The following ELAVL4 variants were observed in gnomAD, a reference collection of about 807,000 sequenced individuals.
ELAVL4 encodes ELAV-like protein 4.
ELAVL4 carries 1 observed loss-of-function variant against 35.6 expected under a neutral mutation model. The ratio of observed to expected loss-of-function variants is 0.03; its 90% CI spans 0.01 to 0.13. The LOEUF is 0.13. ELAVL4 is among the 10% of genes least tolerant of loss of function. The pLI, the probability that ELAVL4 is intolerant of heterozygous loss-of-function variation, is 1.00. For missense variants in ELAVL4, 267 were observed against 464.9 expected (o/e 0.57, Z 3.91); for synonymous variants, 156 against 171.0 (o/e 0.91, Z 0.69).
At chr1:50,048,594 G>A (rs1663192694) in intron 1 of ELAVL4, among the ~76,000 whole-genome samples, 1 of 152,192 alleles carries the variant, frequency 6.6e-6, no homozygotes, top group African/African-American at 2.4e-5. Flanking sequence ...TCCTGGTGGC[G>A]CCAAAAAGTC....
intron 1 of ELAVL4, among the ~76,000 whole-genome samples, chr1:50,069,947 T>C (rs1664435489): frequency 6.6e-6 from 1 of 152,216 alleles, no homozygotes; most frequent in East Asian, 1.9e-4. Context: ...CTAAGTCCTT[T>C]CTATTTTAGT....
chr1:50,197,566 A>G, intron 6 of ELAVL4, 99 bp downstream of exon 6: 1 of 1,127,694 alleles, frequency 8.9e-7, no homozygotes, highest in Admixed American at 3.0e-5. Context: ...AAAAGAAAAA[A>G]ATTCTTCCTT....
chr1:50,179,478 C>T (rs1316407519), intron 3 of ELAVL4: 1 of 152,114 alleles, frequency 6.6e-6, no homozygotes, highest in Non-Finnish European at 1.5e-5. Flanking sequence ...AAGCAAACCC[C>T]TTTTGTATGC....
At chr1:50,098,402 G>A (rs1330216955) in intron 1 of ELAVL4, among the ~76,000 whole-genome samples, 2 of 152,112 alleles carry the variant, frequency 1.3e-5, no homozygotes, top group Non-Finnish European at 2.9e-5. Context: ...TTTAGGGAAG[G>A]ACCAGGGCTT....
At chr1:50,167,855 A>G (rs1678220631) in intron 2 of ELAVL4, among the ~76,000 whole-genome samples, 1 of 152,222 alleles carries the variant, frequency 6.6e-6, no homozygotes, top group African/African-American at 2.4e-5. Context: ...AGAGAGGTCC[A>G]TCCACATACC....
At chr1:50,102,226 C>T (rs1027642400), upstream of ELAVL4, among the ~76,000 whole-genome samples, 4 of 151,746 alleles carry the variant, frequency 2.6e-5, no homozygotes, top group African/African-American at 7.3e-5. Flanking sequence ...GCGGAGCTTG[C>T]GGTGAGCCGA....
chr1:50,165,440 A>G (rs928288915), intron 2 of ELAVL4, among the ~76,000 whole-genome samples: 7 of 139,558 alleles, frequency 5.0e-5, no homozygotes, highest in African/African-American at 2.0e-4. Flanking sequence ...ATATATATAT[A>G]TAGATATAGA....
At chr1:50,055,235 TC>T (rs1378939415) in intron 1 of ELAVL4, among the ~76,000 whole-genome samples, 2 of 152,170 alleles carry the variant, frequency 1.3e-5, no homozygotes, top group East Asian at 3.9e-4. Context: ...GGGACTTAAA[TC>T]CTGGTTTTGT....
In ELAVL4 at chr1:50,110,349, C is replaced by A. The variant is rs545545734; in HGVS notation, c.9+1151C>A. On this transcript the variant is annotated intron_variant, in intron 1 of 6. Coordinates refer to ENST00000371824, the MANE Select transcript of ELAVL4 (RefSeq NM_001144774.3). The stretch of plus-strand genomic sequence containing the variant: ...GTTAAAGGCACATTTCTTTTTCAGT[C>A]TCATGCTAGGAGTGATGGGGAAGGA... 5.3e-5 allele frequency among the ~76,000 whole-genome samples: 8 copies of A among 152,126 alleles called. 1 individual carries two copies. The South Asian group carries it at 1.7e-3, about 32-fold the overall frequency.
intron 1 of ELAVL4, among the ~76,000 whole-genome samples, chr1:50,059,948 CA>C (rs1358478593): frequency 6.6e-6 from 1 of 151,926 alleles, no homozygotes; most frequent in Admixed American, 6.6e-5. Context: ...GGTTAGGGAG[CA>C]GGGGTGAATG....
chr1:50,096,008 G>T (rs1377630348), intron 1 of ELAVL4, among the ~76,000 whole-genome samples: 1 of 152,088 alleles, frequency 6.6e-6, no homozygotes, highest in East Asian at 1.9e-4. Flanking sequence ...AGAAAAAAAT[G>T]ATTTTGTGGA....
At chr1:50,074,712 G>C (rs1664684878) in intron 1 of ELAVL4, among the ~76,000 whole-genome samples, 1 of 152,202 alleles carries the variant, frequency 6.6e-6, no homozygotes, top group South Asian at 2.1e-4. Context: ...TCTTAAAGAT[G>C]AAATAGGAAT....
chr1:50,057,166 T>C (rs1039106021), intron 1 of ELAVL4, among the ~76,000 whole-genome samples: 17 of 151,860 alleles, frequency 1.1e-4, no homozygotes, highest in African/African-American at 3.9e-4. Flanking sequence ...CATTCTTATC[T>C]TCATTTTTAA....
chr1:50,091,442 C>T (rs1204778692), intron 1 of ELAVL4, among the ~76,000 whole-genome samples: 1 of 152,144 alleles, frequency 6.6e-6, no homozygotes, highest in Non-Finnish European at 1.5e-5. Flanking sequence ...TTTTCCACTC[C>T]CATTCTGTCG....
At chr1:50,189,318 T>A (rs933227857) in intron 3 of ELAVL4, among the ~76,000 whole-genome samples, 1 of 152,072 alleles carries the variant, frequency 6.6e-6, no homozygotes, top group Non-Finnish European at 1.5e-5. Context: ...GTAAAGGGAG[T>A]TGTGGGTGCT....
chr1:50,170,222 C>T (rs1572510696), intron 2 of ELAVL4, among the ~76,000 whole-genome samples: 2 of 152,134 alleles, frequency 1.3e-5, no homozygotes. Flanking sequence ...TTTATGGCAG[C>T]GACTTTACAT....
At chr1:50,059,181 AT>A (rs1258170790) in intron 1 of ELAVL4, among the ~76,000 whole-genome samples, 2 of 152,180 alleles carry the variant, frequency 1.3e-5, no homozygotes, top group Non-Finnish European at 2.9e-5. Flanking sequence ...TTAAATATCA[AT>A]CATATTTCTC....
At chr1:50,079,115 T>TG (rs1336488316) in intron 1 of ELAVL4, among the ~76,000 whole-genome samples, 1 of 152,172 alleles carries the variant, frequency 6.6e-6, no homozygotes, top group African/African-American at 2.4e-5. Context: ...ATTTTTTAGA[T>TG]GGGGTCTTGC....
chr1:50,087,541 A>G (rs1665302270), intron 1 of ELAVL4, among the ~76,000 whole-genome samples: 1 of 152,210 alleles, frequency 6.6e-6, no homozygotes, highest in Admixed American at 6.5e-5. Flanking sequence ...GTGACCTAAA[A>G]TGTAACCACC....
Sources: gnomAD v4.1 joint callset for allele counts (sites outside exome capture counted in the v4.1 genomes callset) on GRCh38, gnomAD v4.1.1 for gene constraint, MANE v1.5 for transcripts, NCBI Gene and HGNC (gene_info 2026-07-23, HGNC 2026-07-21) for gene names.